The following COG5 variants were observed in gnomAD, a reference collection of about 807,000 sequenced individuals.
COG5 encodes the protein conserved oligomeric Golgi complex subunit 5.
Under a neutral mutation model 110.4 loss-of-function variants are expected in COG5, and 86 were observed. The ratio of observed to expected loss-of-function variants is 0.78; its 90% CI spans 0.65 to 0.93. The LOEUF (loss-of-function observed/expected upper bound fraction) is 0.93, where lower values mean the gene tolerates loss of function less well. Among genes scored for constraint, COG5 ranks in the 40% least tolerant of loss-of-function variants. COG5 has a pLI of 0.00. For synonymous variants in COG5, 360 were observed against 334.6 expected, an observed-to-expected ratio of 1.08 and a Z score of -0.83; for missense variants, 1,077 against 987.0, an observed-to-expected ratio of 1.09 and a Z score of -1.22.
intron 7 of COG5, among the ~76,000 whole-genome samples, chr7:107,385,794 C>T (rs887611797): frequency 6.8e-6 from 1 of 147,418 alleles, no homozygotes; most frequent in Admixed American, 6.8e-5. Flanking sequence ...CTTGCCAACG[C>T]TTGTTATTTT....
intron 5 of COG5, among the ~76,000 whole-genome samples, chr7:107,542,475 T>C (rs1053500374): frequency 2.0e-5 from 3 of 152,140 alleles, no homozygotes; most frequent in African/African-American, 7.2e-5. Context: ...TCTAATAAAG[T>C]TGAAAATCAG....
intron 6 of COG5, among the ~76,000 whole-genome samples, chr7:107,469,450 T>A (rs1796502716): frequency 6.6e-6 from 1 of 152,160 alleles, no homozygotes; most frequent in South Asian, 2.1e-4. Flanking sequence ...TAGGGTATTA[T>A]CACCTTAGGT....
chr7:107,523,643 C>T (rs1396168253), intron 6 of COG5, among the ~76,000 whole-genome samples: 3 of 151,896 alleles, frequency 2.0e-5, no homozygotes, highest in East Asian at 1.9e-4. Flanking sequence ...GGTGAAACCC[C>T]GTCTCTACTA....
chr7:107,349,422 G>T (rs908417902), intron 10 of COG5, among the ~76,000 whole-genome samples: 1 of 151,628 alleles, frequency 6.6e-6, no homozygotes, highest in Non-Finnish European at 1.5e-5. Flanking sequence ...TTTTTGAGGC[G>T]GAGTCTTGCT....
intron 11 of COG5, among the ~76,000 whole-genome samples, chr7:107,316,804 C>A (rs764285961): frequency 1.3e-5 from 2 of 151,430 alleles, no homozygotes. Context: ...GCACTCCAGC[C>A]GGGGGGACAC....
intron 17 of COG5, among the ~76,000 whole-genome samples, chr7:107,237,206 G>C (rs1801263022): frequency 6.6e-6 from 1 of 152,186 alleles, no homozygotes; most frequent in Admixed American, 6.5e-5. Context: ...CTGTGGAAAT[G>C]GTTATGTAAC....
chr7:107,453,829 C>T (rs943614910), intron 6 of COG5, among the ~76,000 whole-genome samples: 2 of 152,134 alleles, frequency 1.3e-5, no homozygotes, highest in Admixed American at 6.5e-5. Context: ...TAAATGTTTC[C>T]AAATCCAAGT....
intron 10 of COG5, among the ~76,000 whole-genome samples, chr7:107,361,686 C>A (rs1053573959): frequency 1.1e-4 from 16 of 152,102 alleles, no homozygotes; most frequent in African/African-American, 3.9e-4. Flanking sequence ...CTCAGCCTCC[C>A]GAGTAGCTGG....
chr7:107,318,057 T>A (rs1808915113), intron 11 of COG5, among the ~76,000 whole-genome samples: 1 of 152,046 alleles, frequency 6.6e-6, no homozygotes, highest in Non-Finnish European at 1.5e-5. Context: ...GATACAGAGG[T>A]TCGCTCTGTT....
chr7:107,390,815 C>T (rs1254631886), intron 7 of COG5, among the ~76,000 whole-genome samples: 7 of 150,212 alleles, frequency 4.7e-5, no homozygotes, highest in East Asian at 3.9e-4. Flanking sequence ...CATATATCTG[C>T]GCTCTCCAAT....
At chr7:107,223,249 C>A (rs1389092709) in intron 19 of COG5, among the ~76,000 whole-genome samples, 1 of 152,152 alleles carries the variant, frequency 6.6e-6, no homozygotes, top group African/African-American at 2.4e-5. Flanking sequence ...GCTCTCTGCA[C>A]AGGACACAAT....
chr7:107,320,377 A>G (rs568542320), intron 11 of COG5, among the ~76,000 whole-genome samples: 2 of 152,316 alleles, frequency 1.3e-5, no homozygotes, highest in Admixed American at 1.3e-4. Context: ...TCCTTTTAGA[A>G]TATCTTTTCT....
chr7:107,298,827 T>TACA (rs1806992727), intron 11 of COG5, among the ~76,000 whole-genome samples: 1 of 152,156 alleles, frequency 6.6e-6, no homozygotes, highest in Non-Finnish European at 1.5e-5. Flanking sequence ...CTTCAAGCCA[T>TACA]ACAAAGCTTG....
intron 7 of COG5, among the ~76,000 whole-genome samples, chr7:107,404,196 C>T (rs1369563840): frequency 1.3e-5 from 2 of 152,166 alleles, no homozygotes; most frequent in East Asian, 3.9e-4. Flanking sequence ...AAATGATGGG[C>T]ATCAACTACA....
intron 11 of COG5, among the ~76,000 whole-genome samples, chr7:107,315,877 A>G (rs990156038): frequency 1.3e-5 from 2 of 152,214 alleles, no homozygotes; most frequent in East Asian, 3.9e-4. Flanking sequence ...GTAGCAGGCT[A>G]TTCCTAAGGT....
intron 21 of COG5, chr7:107,210,301 T>A: frequency 7.0e-7 from 1 of 1,420,034 alleles, no homozygotes; most frequent in Non-Finnish European, 9.2e-7. Context: ...GGATTGCACA[T>A]CAGGGATATG....
At chr7:107,389,695 A>C (rs1175954521) in intron 7 of COG5, among the ~76,000 whole-genome samples, 1 of 151,994 alleles carries the variant, frequency 6.6e-6, no homozygotes, top group East Asian at 1.9e-4. Flanking sequence ...TAATGTCCTC[A>C]CCTGTCATGA....
intron 12 of COG5, among the ~76,000 whole-genome samples, 187 bp downstream of exon 12, chr7:107,297,955 T>C (rs1334971722): frequency 6.6e-6 from 1 of 152,158 alleles, no homozygotes; most frequent in Non-Finnish European, 1.5e-5. Flanking sequence ...AGTGTTCAAC[T>C]AAGGGTGAAA....
chr7:107,460,632 G>C (rs1351900548), intron 6 of COG5, among the ~76,000 whole-genome samples: 2 of 151,620 alleles, frequency 1.3e-5, no homozygotes, highest in African/African-American at 4.9e-5. Flanking sequence ...AACAGAAAAA[G>C]AACATAACAA....
Sources: allele counts gnomAD v4.1 joint callset (sites outside exome capture counted in the v4.1 genomes callset), GRCh38; gene constraint gnomAD v4.1.1; transcripts MANE v1.5; gene names NCBI Gene and HGNC (gene_info 2026-07-23, HGNC 2026-07-21).